SVEP1: variants seen among roughly 807,000 people sequenced by gnomAD.
SVEP1 encodes the protein sushi, von Willebrand factor type A, EGF and pentraxin domain-containing protein 1.
A neutral mutation model predicts 367.3 loss-of-function variants in SVEP1; 164 were observed. The ratio of observed to expected loss-of-function variants is 0.45; its 90% CI spans 0.39 to 0.51. The LOEUF is 0.51. Ranked by LOEUF, SVEP1 falls within the 20% of genes least tolerant of loss-of-function variation. The pLI, the probability that SVEP1 is intolerant of heterozygous loss-of-function variation, is 0.00. For synonymous variants in SVEP1, 1,666 were observed against 1,611.6 expected (o/e 1.03, Z -0.81); for missense variants, 4,117 against 4,425.3 (o/e 0.93, Z 1.98).
chr9:110,443,350 G>A, intron 27 of SVEP1, 195 bp downstream of exon 27: 1 of 453,916 alleles, frequency 2.2e-6, no homozygotes, highest in South Asian at 7.0e-5. Context: ...TTCTCACACA[G>A]AGAGGCAAAC....
chr9:110,504,213 C>A (rs1473652091), intron 5 of SVEP1, among the ~76,000 whole-genome samples: 2 of 123,298 alleles, frequency 1.6e-5, no homozygotes, highest in African/African-American at 6.5e-5. Context: ...CTCTACCACG[C>A]CCGGCTATTT....
chr9:110,396,416 C>A (rs1440318929), intron 40 of SVEP1, among the ~76,000 whole-genome samples: 1 of 151,988 alleles, frequency 6.6e-6, no homozygotes, highest in African/African-American at 2.4e-5. Flanking sequence ...AAAATTGACA[C>A]CCTAACATCA....
At chr9:110,390,097 ATACT>A (rs1300371157) in intron 40 of SVEP1, among the ~76,000 whole-genome samples, 1 of 116,008 alleles carries the variant, frequency 8.6e-6, no homozygotes, top group Non-Finnish European at 1.8e-5. Context: ...ATACACATAC[ATACT>A]TATATAAGTA....
intron 7 of SVEP1, among the ~76,000 whole-genome samples, chr9:110,498,739 C>T (rs2118745312): frequency 6.6e-6 from 1 of 152,250 alleles, no homozygotes; most frequent in South Asian, 2.1e-4. Context: ...AATTCAGTCT[C>T]ACCTGCTTTA....
At chr9:110,514,513 C>CG (rs1829775284) in intron 3 of SVEP1, among the ~76,000 whole-genome samples, 1 of 109,432 alleles carries the variant, frequency 9.1e-6, no homozygotes, top group African/African-American at 3.4e-5. Flanking sequence ...AACTCCATCT[C>CG]AAAAAAAAAA....
At chr9:110,481,965 G>A (rs1009073691) in intron 11 of SVEP1, among the ~76,000 whole-genome samples, 10 of 151,960 alleles carry the variant, frequency 6.6e-5, no homozygotes, top group African/African-American at 2.2e-4. Flanking sequence ...CACCCGCCTC[G>A]GCCTCCCAAA....
intron 46 of SVEP1, 125 bp downstream of exon 46, chr9:110,375,243 T>A: frequency 1.2e-6 from 1 of 824,862 alleles, no homozygotes; most frequent in Non-Finnish European, 1.9e-6. Flanking sequence ...TCTTGAGGAA[T>A]TTTTGAGAAA....
chr9:110,376,097 C>T (rs1827346808), intron 45 of SVEP1, among the ~76,000 whole-genome samples: 1 of 152,202 alleles, frequency 6.6e-6, no homozygotes, highest in Admixed American at 6.5e-5. Flanking sequence ...TGTTGCTTTG[C>T]TCCCCAAAAT....
chr9:110,444,150 TCAAA>T (rs907894483), intron 26 of SVEP1, among the ~76,000 whole-genome samples: 6 of 152,350 alleles, frequency 3.9e-5, no homozygotes, highest in African/African-American at 1.4e-4. Flanking sequence ...AGATACTTCA[TCAAA>T]CAAACAATTA....
chr9:110,536,296 T>C (rs1453264490), intron 3 of SVEP1, among the ~76,000 whole-genome samples: 3 of 152,112 alleles, frequency 2.0e-5, no homozygotes, highest in African/African-American at 7.2e-5. Context: ...ATCCCAGGGA[T>C]GAAGCCTACT....
chr9:110,377,349 A>G lies in SVEP1; in HGVS notation c.10426T>C (p.Cys3476Arg), dbSNP rs780501694. Reference sequence around the variant, plus strand: ...CGTTGGCAGATGCCCCCATTCTGACATGGAAATCGACAGACAGCTGGAAAA... The same window carrying G: ...CGTTGGCAGATGCCCCCATTCTGACGTGGAAATCGACAGACAGCTGGAAAA... ...PICRAVCRFP[C>R]QNGGICQRPN... Residue 3476 changes from cysteine (C) to arginine (R), a missense_variant, in exon 45 of 48, where the codon TGT becomes CGT. Physicochemically the swap from Cys to Arg is radical, Grantham distance 180. Coordinates refer to ENST00000374469, the MANE Select transcript of SVEP1 (RefSeq NM_153366.4). 6 of 1,613,724 alleles carry G rather than the reference A, an allele frequency of 3.7e-6. No individual in the cohort carries two copies. The highest frequency in any genetic ancestry group is 5.1e-6 in the Non-Finnish European group (6 of 1,179,748).
At chr9:110,487,431 A>C (rs978988559) in intron 9 of SVEP1, among the ~76,000 whole-genome samples, 7 of 152,232 alleles carry the variant, frequency 4.6e-5, no homozygotes, top group Non-Finnish European at 1.0e-4. Context: ...CATATTTTTC[A>C]TGCAAATGGT....
intron 3 of SVEP1, among the ~76,000 whole-genome samples, chr9:110,532,761 G>A (rs1284262696): frequency 6.6e-6 from 1 of 152,074 alleles, no homozygotes; most frequent in Non-Finnish European, 1.5e-5. Flanking sequence ...ACTGTGGGAT[G>A]TCTAGCAGCA....
Position 110,503,041 on chromosome 9 carries a change from C to T in SVEP1, c.1480G>A (p.Val494Met), listed in dbSNP as rs1001389091. ...SQWDGPEPRC[V>M]ERHCSTFQMP... ...ATTACACCTTCTAGAAACTTACCCA[C>T]ACACCGGGGTTCTGGCCCATCCCAC... The change falls in exon 6 of 48, where the codon GTG (valine) becomes ATG (methionine). Residue 494 changes from valine (V) to methionine (M), a missense_variant. By Grantham distance (21) the Val-to-Met change is conservative (BLOSUM62 1). This residue lies in a region of SVEP1 where 2,174 missense variants were observed against 2,494.3 expected (regional missense o/e 0.87). Coordinates refer to ENST00000374469, the MANE Select transcript of SVEP1 (RefSeq NM_153366.4). 2 of 1,610,000 alleles carry T rather than the reference C, an allele frequency of 1.2e-6. No individual in the cohort carries two copies. Among genetic ancestry groups the T allele is most frequent in the Admixed American group, 1.7e-5 (1 of 59,162 alleles).
intron 46 of SVEP1, among the ~76,000 whole-genome samples, chr9:110,373,870 T>C (rs1474805671): frequency 6.6e-6 from 1 of 152,172 alleles, no homozygotes; most frequent in Non-Finnish European, 1.5e-5. Flanking sequence ...GTATTTGAGG[T>C]CTGCAAGAGG....
Position 110,512,073 on chromosome 9 carries a change from C to T in SVEP1, c.1303+853G>A, listed in dbSNP as rs545578521. On this transcript the variant is annotated intron_variant, in intron 5 of 47. Coordinates refer to ENST00000374469, the MANE Select transcript of SVEP1 (RefSeq NM_153366.4). ...TAGTATAAGGAGGTTCCAAATCTTGCAGGGGACCCACATATACTAAAATAT... is the reference window on the plus strand; with the variant it reads ...TAGTATAAGGAGGTTCCAAATCTTGTAGGGGACCCACATATACTAAAATAT... 3.8e-4 allele frequency among the ~76,000 whole-genome samples: 58 copies of T among 152,210 alleles called. 1 individual carries two copies. The South Asian group carries it at 0.011, about 29-fold the overall frequency.
In SVEP1 at chr9:110,408,612, C is replaced by T. The variant is rs754419975; in HGVS notation, c.6988G>A (p.Glu2330Lys). 2.5e-5 allele frequency: 41 copies of T among 1,613,820 alleles called. No individual in the cohort carries two copies. Among genetic ancestry groups the T allele is most frequent in the Non-Finnish European group, 3.5e-5 (41 of 1,179,896 alleles). ...PAKCPEPPLLENQLVLKELTT... is the reference protein window; with the variant it reads ...PAKCPEPPLLKNQLVLKELTT... ...AACTCCTTTAATACTAGCTGGTTTT[C>T]CAAGAGGGGCGGCTCTGGGCACTTG... Residue 2330 changes from glutamate to lysine, a missense_variant, in exon 38 of 48, where the codon GAA becomes AAA. This residue lies in a region of SVEP1 where 1,765 missense variants were observed against 1,781.1 expected (regional missense o/e 0.99). Coordinates refer to ENST00000374469, the MANE Select transcript of SVEP1 (RefSeq NM_153366.4).
At chr9:110,514,983 C>A (rs1462930343) in intron 3 of SVEP1, among the ~76,000 whole-genome samples, 1 of 152,088 alleles carries the variant, frequency 6.6e-6, no homozygotes, top group Admixed American at 6.6e-5. Flanking sequence ...AGGAACTAGG[C>A]CCTTTGAAGA....
chr9:110,398,006 T>C (rs1280184053), intron 40 of SVEP1, among the ~76,000 whole-genome samples: 1 of 143,056 alleles, frequency 7.0e-6, no homozygotes, highest in African/African-American at 2.5e-5. Context: ...AAAGTTCATA[T>C]GGAACCAAAA....
Sources: allele counts gnomAD v4.1 joint callset (sites outside exome capture counted in the v4.1 genomes callset), GRCh38; gene constraint gnomAD v4.1.1; regional missense constraint gnomAD v4.1.1; transcripts MANE v1.5; gene names NCBI Gene and HGNC (gene_info 2026-07-23, HGNC 2026-07-21).